FAM169A: variants seen among roughly 807,000 people sequenced by gnomAD.
The protein encoded by FAM169A is family with sequence similarity 169 member A.
In FAM169A, 24 loss-of-function variants were observed where a neutral mutation model predicts 75.7. That is an observed-to-expected ratio of 0.32 (90% CI 0.23 to 0.45). The LOEUF is 0.45. FAM169A is among the 20% of genes least tolerant of loss of function. The pLI, the probability that FAM169A is intolerant of heterozygous loss-of-function variation, is 1.00. For synonymous variants in FAM169A, 271 were observed against 271.0 expected (o/e 1.00, Z 0.00); for missense variants, 673 against 784.0 (o/e 0.86, Z 1.69).
rs543826203 is a variant in FAM169A, at chr5:74,779,555, CAG to C, written c.*1903_*1904del. Reference sequence around the variant, plus strand: ...AGAGTATTTCCCTTTGTGATATTGACAGAAGTTTCTCATAAAATGTATAAAAC... The same window carrying C: ...AGAGTATTTCCCTTTGTGATATTGACAAGTTTCTCATAAAATGTATAAAAC... On this transcript the variant is annotated 3_prime_UTR_variant, in exon 13 of 13. Coordinates refer to ENST00000687041, the MANE Select transcript of FAM169A (RefSeq NM_001376049.1). 3.2e-4 allele frequency: 48 copies of C among 151,266 alleles called. No individual in the cohort carries two copies. The highest frequency in any genetic ancestry group is 1.1e-3 in the African/African-American group (46 of 41,270). 9.4% of individuals were successfully genotyped at this position (151,266 alleles called of 1,614,324 possible).
At chr5:74,782,054 C>G in intron 12 of FAM169A, 46 bp from the exon 13 acceptor site, 1 of 1,437,790 alleles carries the variant, frequency 7.0e-7, no homozygotes, top group South Asian at 1.3e-5. Flanking sequence ...TACTACAGTT[C>G]TAAAAATAAA....
intron 1 of FAM169A, among the ~76,000 whole-genome samples, chr5:74,845,786 G>A (rs1432200163): frequency 6.6e-6 from 1 of 152,150 alleles, no homozygotes; most frequent in Non-Finnish European, 1.5e-5. Context: ...AGATCAACCA[G>A]GAGCTTATGC....
chr5:74,838,518 A>C (rs1189632399), intron 4 of FAM169A, among the ~76,000 whole-genome samples: 3 of 152,082 alleles, frequency 2.0e-5, no homozygotes, highest in African/African-American at 7.2e-5. Context: ...TTCTACTATA[A>C]CCCTGCCGAG....
chr5:74,836,237 T>A (rs974170831), intron 4 of FAM169A, among the ~76,000 whole-genome samples: 2 of 152,244 alleles, frequency 1.3e-5, no homozygotes, highest in Non-Finnish European at 2.9e-5. Flanking sequence ...TTGTTTCAGT[T>A]TGGTGTTCAT....
chr5:74,858,595 G>A (rs1055208520), intron 1 of FAM169A, among the ~76,000 whole-genome samples: 4 of 152,122 alleles, frequency 2.6e-5, no homozygotes, highest in African/African-American at 4.8e-5. Flanking sequence ...GGTAGAGGGT[G>A]GGAGGAGTGT....
At chr5:74,864,273 C>A (rs1408325464) in intron 1 of FAM169A, among the ~76,000 whole-genome samples, 1 of 152,204 alleles carries the variant, frequency 6.6e-6, no homozygotes, top group Non-Finnish European at 1.5e-5. Flanking sequence ...TGTTGTTGCC[C>A]AGGCTGGAGT....
chr5:74,800,680 C>A (rs1746525818), intron 10 of FAM169A, among the ~76,000 whole-genome samples, 200 bp downstream of exon 10: 1 of 151,448 alleles, frequency 6.6e-6, no homozygotes, highest in African/African-American at 2.4e-5. Context: ...ATCTGCTACA[C>A]AAACAATGTA....
chr5:74,780,687 G>A lies in FAM169A; in HGVS notation c.*773C>T, dbSNP rs1481461774. 4 of 152,124 alleles carry A rather than the reference G, an allele frequency of 2.6e-5. No individual in the cohort carries two copies. The highest frequency in any genetic ancestry group is 4.8e-5 in the African/African-American group (2 of 41,408). The allele number at this position is 152,124 out of a possible 1,614,324, so 9.4% of individuals were successfully genotyped here. ...AAGGTGAAAGTCTAAACTTCTAGGC[G>A]TCTGCACATATGCAGACAAAAAAAA... On this transcript the variant is annotated 3_prime_UTR_variant, in exon 13 of 13. Transcript: ENST00000687041.
intron 4 of FAM169A, among the ~76,000 whole-genome samples, chr5:74,838,011 G>C (rs1293855429): frequency 1.3e-5 from 2 of 151,362 alleles, no homozygotes; most frequent in Non-Finnish European, 2.9e-5. Context: ...CAGCTACTCG[G>C]GAGACAGAGG....
In FAM169A at chr5:74,782,972, C is replaced by T. The variant is rs746368964; in HGVS notation, c.1423G>A (p.Val475Ile). The change falls in exon 12 of 13, where the codon GTA becomes ATA. Residue 475 changes from valine (V) to isoleucine (I), a missense_variant. Physicochemically the swap from Val to Ile is conservative, Grantham distance 29. This residue lies in a region of FAM169A where 510 missense variants were observed against 550.9 expected (regional missense o/e 0.93). Transcript: ENST00000687041. Reference protein sequence around the residue: ...EDSTNLVPLVVESSKPPEVDA... With the variant: ...EDSTNLVPLVIESSKPPEVDA... ...ACCTCAGGGGGTTTTGAAGATTCTA[C>T]CACCAGTGGAACAAGATTTGTAGAG... is the stretch of plus-strand genomic sequence containing the variant. The T allele has an allele frequency of 1.2e-6, 2 of 1,613,874 alleles. No individual in the cohort carries two copies. The highest frequency in any genetic ancestry group is 1.7e-6 in the Non-Finnish European group (2 of 1,179,836).
Position 74,781,949 on chromosome 5 carries a change from C to A in FAM169A, c.1524G>T (p.Gly508=). ...GTAGGGACAATTTCTCTTCCATGTG[C>A]CCCTTTTCATCAGATGTGCCTTCAT... ...LMDEGTSDEK[G]HMEEKLSLLP... The change falls in exon 13 of 13, where the codon GGG becomes GGT. Residue 508 remains glycine, a synonymous_variant. Coordinates refer to ENST00000687041, the MANE Select transcript of FAM169A (RefSeq NM_001376049.1). The A allele has an allele frequency of 3.1e-6, 5 of 1,613,970 alleles. No individual in the cohort carries two copies. The highest frequency in any genetic ancestry group is 3.4e-6 in the Non-Finnish European group (4 of 1,179,924).
chr5:74,782,042 T>C (rs778461055), intron 12 of FAM169A, 34 bp from the exon 13 acceptor site: 1 of 1,494,562 alleles, frequency 6.7e-7, no homozygotes, highest in Admixed American at 2.0e-5. Flanking sequence ...CAAATAAACT[T>C]GTACTACAGT....
At chr5:74,824,500 T>G (rs1213494953) in intron 5 of FAM169A, among the ~76,000 whole-genome samples, 1 of 152,138 alleles carries the variant, frequency 6.6e-6, no homozygotes, top group Non-Finnish European at 1.5e-5. Flanking sequence ...CAGATAGTCC[T>G]TATCATTCCA....
intron 8 of FAM169A, among the ~76,000 whole-genome samples, chr5:74,802,940 A>C (rs1274138891): frequency 6.6e-6 from 1 of 152,170 alleles, no homozygotes; most frequent in East Asian, 1.9e-4. Context: ...AGGTAACAAT[A>C]CCATCATCAC....
In FAM169A at chr5:74,781,474, C is replaced by T; in HGVS notation, c.1999G>A (p.Ala667Thr). ...KGHKGPAKKKAKLT is the reference protein window; with the variant it reads ...KGHKGPAKKKTKLT ...TTCTTCTTCCTTCAGGTCAGCTTAGCTTTCTTCTTAGCAGGTCCTTTATGC... is the reference window on the plus strand; with the variant it reads ...TTCTTCTTCCTTCAGGTCAGCTTAGTTTTCTTCTTAGCAGGTCCTTTATGC... The change falls in exon 13 of 13, where the codon GCT (alanine) becomes ACT (threonine). Residue 667 changes from alanine to threonine, a missense_variant. Coordinates refer to ENST00000687041, the MANE Select transcript of FAM169A (RefSeq NM_001376049.1). 1 of 1,613,562 alleles carries T rather than the reference C, an allele frequency of 6.2e-7. No homozygotes were observed. Among genetic ancestry groups the T allele is most frequent in the Non-Finnish European group, 8.5e-7 (1 of 1,179,694 alleles).
At chr5:74,851,146 G>C (rs1423044706) in intron 1 of FAM169A, among the ~76,000 whole-genome samples, 3 of 152,222 alleles carry the variant, frequency 2.0e-5, no homozygotes, top group African/African-American at 7.2e-5. Context: ...AGTGTTAACA[G>C]TAATTACTCC....
chr5:74,827,494 AT>A (rs537205969), intron 5 of FAM169A, among the ~76,000 whole-genome samples: 139 of 152,220 alleles, frequency 9.1e-4, no homozygotes, highest in African/African-American at 3.2e-3. Context: ...AATTCTAAAA[AT>A]ATCTTGTGAT....
intron 6 of FAM169A, 40 bp from the exon 7 acceptor site, chr5:74,805,324 T>C (rs1746808353): frequency 6.3e-7 from 1 of 1,599,524 alleles, no homozygotes; most frequent in African/African-American, 1.3e-5. Flanking sequence ...ATCCCAAATA[T>C]CCACTGTTTT....
At chr5:74,833,476 A>G (rs1748419649) in intron 5 of FAM169A, among the ~76,000 whole-genome samples, 1 of 152,190 alleles carries the variant, frequency 6.6e-6, no homozygotes, top group Non-Finnish European at 1.5e-5. Flanking sequence ...ACTGCACATC[A>G]GTTTTTTATT....
Sources: allele counts gnomAD v4.1 joint callset (sites outside exome capture counted in the v4.1 genomes callset), GRCh38; gene constraint gnomAD v4.1.1; regional missense constraint gnomAD v4.1.1; transcripts MANE v1.5; gene names NCBI Gene and HGNC (gene_info 2026-07-23, HGNC 2026-07-21).